The following AGO1 variants were observed in gnomAD, a reference collection of about 807,000 sequenced individuals.
AGO1 encodes the protein protein argonaute-1.
Under a neutral mutation model 109.2 loss-of-function variants are expected in AGO1, and 11 were observed. The ratio of observed to expected loss-of-function variants is 0.10; its 90% confidence interval spans 0.06 to 0.17. AGO1 has a LOEUF of 0.17. Among genes scored for constraint, AGO1 ranks in the 10% least tolerant of loss-of-function variants. AGO1 has a pLI of 1.00. For missense variants in AGO1, 574 were observed against 1,140.3 expected (o/e 0.50, Z 7.15); for synonymous variants, 422 against 418.6 (o/e 1.01, Z -0.10).
Position 35,923,206 on chromosome 1 carries a change from T to A in AGO1, c.*3599T>A, listed in dbSNP as rs1377348939. On this transcript the variant is annotated 3_prime_UTR_variant, in exon 19 of 19. Coordinates refer to ENST00000373204, the MANE Select transcript of AGO1 (RefSeq NM_012199.5). ...GGTACCTAGAAATTTGAAACTTCCC[T>A]AAAAAGCTCCTAATGCCCACCTGCT... 1 of 152,210 alleles carries A rather than the reference T, an allele frequency of 6.6e-6. No individual in the cohort carries two copies. The highest frequency in any genetic ancestry group is 1.5e-5 in the Non-Finnish European group (1 of 68,032). The allele number at this position is 152,210 out of a possible 1,614,324, so 9.4% of individuals were successfully genotyped here. A position where few individuals can be genotyped will look rare whatever the true frequency, so the allele number is the denominator to read the frequency against.
chr1:35,876,473 A>G (rs1001489087), intron 1 of AGO1, among the ~76,000 whole-genome samples: 6 of 151,960 alleles, frequency 3.9e-5, no homozygotes, highest in Non-Finnish European at 7.4e-5. Context: ...TTACCGTGTT[A>G]GCCAGGATGG....
intron 1 of AGO1, among the ~76,000 whole-genome samples, chr1:35,876,224 A>G (rs1644990854): frequency 6.6e-6 from 1 of 152,168 alleles, no homozygotes; most frequent in Non-Finnish European, 1.5e-5. Context: ...AAATCTCATG[A>G]TAAAACTTGA....
chr1:35,919,228 C>T lies in AGO1; in HGVS notation c.2439C>T (p.Tyr813=). 6.2e-7 allele frequency: 1 copy of T among 1,613,998 alleles called. No individual in the cohort carries two copies. The highest frequency in any genetic ancestry group is 8.5e-7 in the Non-Finnish European group (1 of 1,179,962). Residue 813 remains tyrosine, a synonymous_variant, in exon 18 of 19, where the codon TAC becomes TAT. Transcript: ENST00000373204. This position sits in a 1 kb window ranked among gnomAD's most constrained non-coding sequence, Gnocchi z 6.6. ...GCCTGGTGGCTTTCCGGGCACGATACCACCTGGTGGACAAGGAGCATGACA... is the reference window on the plus strand; with the variant it reads ...GCCTGGTGGCTTTCCGGGCACGATATCACCTGGTGGACAAGGAGCATGACA... The part of the protein sequence containing the change: ...YARLVAFRAR[Y]HLVDKEHDSG...
Position 35,888,177 on chromosome 1 carries a change from A to G in AGO1, c.26-250A>G, listed in dbSNP as rs1401943815. On this transcript the variant is annotated intron_variant, in intron 1 of 18. Transcript: ENST00000373204. This position sits in a 1 kb window ranked among gnomAD's most constrained non-coding sequence, Gnocchi z 4.1. ...AACATGCAATAGGAACTTATTATAT[A>G]TTAACTTAATGAATTAAAAATAGAC... is the stretch of plus-strand genomic sequence containing the variant. Among the ~76,000 whole-genome samples the G allele has an allele frequency of 6.6e-6, 1 of 152,230 alleles. No homozygotes were observed. Among genetic ancestry groups the G allele is most frequent in the Non-Finnish European group, 1.5e-5 (1 of 68,040 alleles).
In AGO1 at chr1:35,915,691, TGAG is replaced by T. The variant is rs1003363282; in HGVS notation, c.2028+151_2028+153del. On this transcript the variant is annotated intron_variant, in intron 15 of 18. Transcript: ENST00000373204. ...TAGACTTGGGGGCAAGGATCGCAAC[TGAG>T]GGATGGAGTGTACAAGCATCTGTAG... 8.3e-6 allele frequency: 6 copies of T among 721,536 alleles called. No individual in the cohort carries two copies. In the Admixed American group the frequency reaches 1.3e-4, roughly 16 times the overall value. 44.7% of individuals were successfully genotyped at this position (721,536 alleles called of 1,614,324 possible).
At chr1:35,892,735 T>C in intron 3 of AGO1, 58 bp downstream of exon 3, 2 of 1,609,606 alleles carry the variant, frequency 1.2e-6, no homozygotes, top group African/African-American at 1.3e-5. Flanking sequence ...ACCAAGCTCA[T>C]GTAAGCCTCT....
upstream of AGO1, among the ~76,000 whole-genome samples, chr1:35,880,524 C>T (rs1044701343): frequency 6.6e-6 from 1 of 152,130 alleles, no homozygotes; most frequent in East Asian, 1.9e-4. Flanking sequence ...TGTGCAGCTG[C>T]ACTACAGCCT....
Position 35,902,192 on chromosome 1 carries a change from A to G in AGO1, c.1264-12A>G, listed in dbSNP as rs529415667. ...TGAGGCTCACCTAGGCGCCCCCTCTACCTATCCCCAGAACCGGGCCATTGC... is the reference window on the plus strand; with the variant it reads ...TGAGGCTCACCTAGGCGCCCCCTCTGCCTATCCCCAGAACCGGGCCATTGC... On this transcript the variant is annotated splice_polypyrimidine_tract_variant and intron_variant, in intron 10 of 18. Transcript: ENST00000373204. 1.6e-4 allele frequency: 258 copies of G among 1,611,576 alleles called. 9 individuals carry two copies. Among genetic ancestry groups the G allele is most frequent in the South Asian group, 1.2e-3 (111 of 90,710 alleles).
At chr1:35,871,415 C>T (rs1324484884) in intron 1 of AGO1, among the ~76,000 whole-genome samples, 1 of 151,648 alleles carries the variant, frequency 6.6e-6, no homozygotes. Context: ...TGGTGGCGCA[C>T]ACTTGTAGTC....
At chr1:35,891,011 G>C (rs11263833) in intron 2 of AGO1, among the ~76,000 whole-genome samples, 5 of 152,120 alleles carry the variant, frequency 3.3e-5, no homozygotes, top group Non-Finnish European at 5.9e-5. Context: ...GTGGCCTTGC[G>C]TACTATCCTC....
In AGO1 at chr1:35,893,519, C is replaced by G; in HGVS notation, c.513-155C>G. On this transcript the variant is annotated intron_variant, in intron 4 of 18. Coordinates refer to ENST00000373204, the MANE Select transcript of AGO1 (RefSeq NM_012199.5). This position sits in a 1 kb window ranked among gnomAD's most constrained non-coding sequence, Gnocchi z 5.6. ...CTGCAGGGCAGAGAGAAGGTAGAAA[C>G]TTGTACAAGGTCAGTCATACAACTA... is the stretch of plus-strand genomic sequence containing the variant. The G allele has an allele frequency of 1.1e-6, 1 of 897,618 alleles. No homozygotes were observed. Among genetic ancestry groups the G allele is most frequent in the Non-Finnish European group, 1.6e-6 (1 of 608,684 alleles). The allele number at this position is 897,618 out of a possible 1,614,324, so 55.6% of individuals were successfully genotyped here. A position where few individuals can be genotyped will look rare whatever the true frequency, so the allele number is the denominator to read the frequency against.
chr1:35,916,375 C>A (rs903765929), intron 15 of AGO1, among the ~76,000 whole-genome samples: 4 of 151,398 alleles, frequency 2.6e-5, no homozygotes, highest in African/African-American at 9.7e-5. Flanking sequence ...TTCTTTTTTT[C>A]TTTTTTTTGG....
At chr1:35,905,713 C>T (rs1013969753) in intron 11 of AGO1, among the ~76,000 whole-genome samples, 2 of 152,094 alleles carry the variant, frequency 1.3e-5, no homozygotes, top group African/African-American at 4.8e-5. Flanking sequence ...TCAAGTGATC[C>T]GCCCACCCTG....
intron 12 of AGO1, among the ~76,000 whole-genome samples, chr1:35,913,370 C>T (rs916189545): frequency 9.2e-5 from 14 of 152,184 alleles, no homozygotes; most frequent in Admixed American, 7.2e-4. Context: ...GTAGGTCAGT[C>T]TAATGACCAC....
Position 35,924,435 on chromosome 1 carries a change from C to T in AGO1, c.*4828C>T, listed in dbSNP as rs1276524536. 1 of 152,304 alleles carries T rather than the reference C, an allele frequency of 6.6e-6. No individual in the cohort carries two copies. The highest frequency in any genetic ancestry group is 1.5e-5 in the Non-Finnish European group (1 of 68,060). The allele number at this position is 152,304 out of a possible 1,614,324, so 9.4% of individuals were successfully genotyped here. On this transcript the variant is annotated 3_prime_UTR_variant, in exon 19 of 19. Transcript: ENST00000373204. ...CTTCACAGAGCCTTCATTTATTCTT[C>T]ATTCAACAAACATGCAAAGCACTGT...
Position 35,919,718 on chromosome 1 carries a change from G to A in AGO1, c.*111G>A. On this transcript the variant is annotated 3_prime_UTR_variant, in exon 19 of 19. Coordinates refer to ENST00000373204, the MANE Select transcript of AGO1 (RefSeq NM_012199.5). The surrounding 1 kb of genome is among the most constrained non-coding windows in gnomAD (Gnocchi z 6.6). ...GGAGGGAGGTGGGGTAGGGAGGAGT[G>A]TAGGATGCCTTGTTTCCTTCTATAG... 2.1e-6 allele frequency: 2 copies of A among 973,822 alleles called. No individual in the cohort carries two copies. The highest frequency in any genetic ancestry group is 3.0e-6 in the Non-Finnish European group (2 of 659,482). The allele number at this position is 973,822 out of a possible 1,614,324, so 60.3% of individuals were successfully genotyped here. A position where few individuals can be genotyped will look rare whatever the true frequency, so the allele number is the denominator to read the frequency against.
rs538413390 is a variant in AGO1 at position 35,909,822 on chromosome 1, C to T, written c.1582+2703C>T. On this transcript the variant is annotated intron_variant, in intron 12 of 18. Transcript: ENST00000373204. ...GAGAGAAGTTGTTTGATCTTCAGTC[C>T]TTGTCTTTCTTGGACCCTTGTATGG... Among the ~76,000 whole-genome samples the T allele has an allele frequency of 7.2e-5, 11 of 152,146 alleles. 1 individual carries two copies. The South Asian group carries it at 2.1e-3, about 29-fold the overall frequency.
Position 35,919,483 on chromosome 1 carries a change from A to G in AGO1, c.2466-16A>G, listed in dbSNP as rs1557624928. On this transcript the variant is annotated splice_polypyrimidine_tract_variant and intron_variant, in intron 18 of 18. Transcript: ENST00000373204. The surrounding 1 kb of genome is among the most constrained non-coding windows in gnomAD (Gnocchi z 6.6). ...CAGTTCACCAGGAAGGACTTCTTTC[A>G]TTTTTTCCTTTTCAGTGGAGAGGGG... The G allele has an allele frequency of 2.5e-6, 4 of 1,606,820 alleles. No homozygotes were observed. The highest frequency in any genetic ancestry group is 2.2e-5 in the East Asian group (1 of 44,670).
At chr1:35,905,588 T>A (rs1325389452) in intron 11 of AGO1, among the ~76,000 whole-genome samples, 1 of 152,126 alleles carries the variant, frequency 6.6e-6, no homozygotes, top group East Asian at 1.9e-4. Flanking sequence ...TGCCTCAGCC[T>A]CCTGAGTAGC....
Sources: gnomAD v4.1 joint callset for allele counts (sites outside exome capture counted in the v4.1 genomes callset) on GRCh38, gnomAD v4.1.1 for gene constraint, Gnocchi (gnomAD v3.1) non-coding constraint, MANE v1.5 for transcripts, NCBI Gene and HGNC (gene_info 2026-07-23, HGNC 2026-07-21) for gene names.